Variants in ETFA observed in about 807,000 individuals in gnomAD.
ETFA encodes the protein electron transfer flavoprotein subunit alpha.
Under a neutral mutation model 46.2 loss-of-function variants are expected in ETFA, and 22 were observed. The ratio of observed to expected loss-of-function variants is 0.48; its 90% CI spans 0.34 to 0.68. The LOEUF is 0.68. Among genes scored for constraint, ETFA ranks in the 30% least tolerant of loss-of-function variants. The pLI, the probability that ETFA is intolerant of heterozygous loss-of-function variation, is 0.01. For missense variants in ETFA, 345 were observed against 401.1 expected (o/e 0.86, Z 1.19); for synonymous variants, 131 against 139.9 (o/e 0.94, Z 0.45).
intron 9 of ETFA, among the ~76,000 whole-genome samples, chr15:76,247,196 A>AT (rs1271775091): frequency 7.3e-6 from 1 of 137,342 alleles, no homozygotes; most frequent in Non-Finnish European, 1.6e-5. Flanking sequence ...CACTATTCAA[A>AT]TTTAAAAAAA....
intron 1 of ETFA, among the ~76,000 whole-genome samples, chr15:76,300,812 G>A (rs887735072): frequency 5.9e-5 from 9 of 151,982 alleles, no homozygotes; most frequent in African/African-American, 7.3e-5. Flanking sequence ...ACTTGAACTT[G>A]CCCTGCTCTC....
At chr15:76,259,595 G>T (rs758044442) in intron 9 of ETFA, 10 of 1,044,072 alleles carry the variant, frequency 9.6e-6, no homozygotes, top group Non-Finnish European at 1.3e-5. Context: ...CAGTATACAG[G>T]TTGTCAGCCA....
chr15:76,306,743 A>G (rs1295319657), intron 1 of ETFA, among the ~76,000 whole-genome samples: 2 of 152,198 alleles, frequency 1.3e-5, no homozygotes, highest in Non-Finnish European at 2.9e-5. Flanking sequence ...TTTTAGTAAT[A>G]AAATATAGCA....
chr15:76,244,244 T>C (rs1042884311), intron 9 of ETFA, among the ~76,000 whole-genome samples: 2 of 152,222 alleles, frequency 1.3e-5, no homozygotes, highest in East Asian at 3.8e-4. Flanking sequence ...CAAAGACTTA[T>C]GAAAAACTCA....
At chr15:76,225,371 CTCCGCCTCCTGGGTTCACACTAT>C (rs943437922) in intron 11 of ETFA, among the ~76,000 whole-genome samples, 2 of 152,194 alleles carry the variant, frequency 1.3e-5, no homozygotes, top group African/African-American at 4.8e-5. Flanking sequence ...TCACTGCAAG[CTCCGCCTCCTGGGTTCACACTAT>C]TCTCCTGCCT....
intron 10 of ETFA, among the ~76,000 whole-genome samples, chr15:76,229,590 G>A (rs1187357628): frequency 1.3e-5 from 2 of 152,196 alleles, no homozygotes; most frequent in Admixed American, 6.5e-5. Flanking sequence ...GGCTGCTGGT[G>A]TTGGAGTTTC....
chr15:76,270,678 G>C (rs1326012958), intron 9 of ETFA, among the ~76,000 whole-genome samples: 1 of 152,182 alleles, frequency 6.6e-6, no homozygotes, highest in South Asian at 2.1e-4. Flanking sequence ...TACAAAATGA[G>C]CCTGGAACAT....
intron 1 of ETFA, among the ~76,000 whole-genome samples, 194 bp from the exon 2 acceptor site, chr15:76,295,931 A>ATTTTTTTTTTTTTTTTTTTTT: frequency 1.4e-5 from 1 of 69,334 alleles, no homozygotes; most frequent in Admixed American, 1.9e-4. Flanking sequence ...TGTACCACTA[A>ATTTTTTTTTTTTTTTTTTTTT]TATTCTTTTT....
chr15:76,228,911 T>C (rs887565300), intron 10 of ETFA: 2 of 153,974 alleles, frequency 1.3e-5, no homozygotes, highest in South Asian at 1.9e-4. Flanking sequence ...CCCGCCACCA[T>C]GCCCAGCTAA....
intron 1 of ETFA, among the ~76,000 whole-genome samples, chr15:76,304,259 G>C (rs1208277039): frequency 6.6e-6 from 1 of 152,180 alleles, no homozygotes; most frequent in African/African-American, 2.4e-5. Flanking sequence ...TGGATACAAA[G>C]AAGGGAACAA....
intron 1 of ETFA, among the ~76,000 whole-genome samples, chr15:76,302,287 T>C (rs2039886979): frequency 6.6e-6 from 1 of 152,098 alleles, no homozygotes; most frequent in Non-Finnish European, 1.5e-5. Flanking sequence ...AAAATGTCCT[T>C]CAGTAAGTGA....
chr15:76,246,725 C>T (rs1406441326), intron 9 of ETFA, among the ~76,000 whole-genome samples: 4 of 151,338 alleles, frequency 2.6e-5, no homozygotes, highest in East Asian at 1.9e-4. Flanking sequence ...CCCAGCTACT[C>T]GGGAGGCTGA....
intron 8 of ETFA, among the ~76,000 whole-genome samples, chr15:76,278,148 G>A (rs1217406070): frequency 6.6e-6 from 1 of 152,140 alleles, no homozygotes; most frequent in Non-Finnish European, 1.5e-5. Flanking sequence ...AACACTTGGA[G>A]ATTTGAACAA....
intron 9 of ETFA, among the ~76,000 whole-genome samples, chr15:76,242,549 A>G (rs2039203164): frequency 6.6e-6 from 1 of 152,376 alleles, no homozygotes; most frequent in East Asian, 1.9e-4. Context: ...CTAAGTATAT[A>G]TTCAAAAGAA....
chr15:76,300,879 G>A (rs138085451), intron 1 of ETFA, among the ~76,000 whole-genome samples: 111 of 152,208 alleles, frequency 7.3e-4, no homozygotes, highest in African/African-American at 2.6e-3. Flanking sequence ...CTCTTTCCCT[G>A]TTACCCTACT....
chr15:76,308,791 G>A (rs1032666915), intron 1 of ETFA, among the ~76,000 whole-genome samples: 1 of 152,142 alleles, frequency 6.6e-6, no homozygotes, highest in African/African-American at 2.4e-5. Context: ...TCCAGATATT[G>A]CCAATTACAG....
In ETFA at chr15:76,286,360, T is replaced by C; in HGVS notation, c.562+11A>G. ...AGAAACAAAACAAAAAAACTCCAAATGAACACTCACCCTTTTCTGAACTGG... is the reference window on the plus strand; with the variant it reads ...AGAAACAAAACAAAAAAACTCCAAACGAACACTCACCCTTTTCTGAACTGG... On this transcript the variant is annotated intron_variant, in intron 6 of 11. Coordinates refer to ENST00000557943, the MANE Select transcript of ETFA (RefSeq NM_000126.4). 1 of 1,547,730 alleles carries C rather than the reference T, an allele frequency of 6.5e-7. No homozygotes were observed. Among genetic ancestry groups the C allele is most frequent in the East Asian group, 2.2e-5 (1 of 44,550 alleles).
intron 9 of ETFA, among the ~76,000 whole-genome samples, chr15:76,249,481 G>T (rs1292757063): frequency 2.5e-5 from 3 of 120,122 alleles, no homozygotes; most frequent in Non-Finnish European, 4.9e-5. Flanking sequence ...TCGTTCTGTC[G>T]CCCAGGCTGG....
intron 1 of ETFA, among the ~76,000 whole-genome samples, chr15:76,306,267 C>CT (rs35290919): frequency 0.46 from 49,758 of 109,190 alleles, 13,966 homozygotes; most frequent in Middle Eastern, 0.6. Context: ...TTTTTTGCTT[C>CT]TTTTTTTTTT....
Sources: gnomAD v4.1 joint callset for allele counts (sites outside exome capture counted in the v4.1 genomes callset) on GRCh38, gnomAD v4.1.1 for gene constraint, MANE v1.5 for transcripts, NCBI Gene and HGNC (gene_info 2026-07-23, HGNC 2026-07-21) for gene names.